Variants in FAM13C observed in about 807,000 individuals in gnomAD.
The protein encoded by FAM13C is protein FAM13C.
Under a neutral mutation model 73.2 loss-of-function variants are expected in FAM13C, and 37 were observed. That is an observed-to-expected ratio of 0.51 (90% CI 0.39 to 0.67). The LOEUF is 0.67. Among genes scored for constraint, FAM13C ranks in the 30% least tolerant of loss-of-function variants. The pLI is 0.00. For missense variants in FAM13C, 589 were observed against 715.6 expected (o/e 0.82, Z 2.02); for synonymous variants, 246 against 260.9 (o/e 0.94, Z 0.55).
chr10:59,330,721 T>C (rs1262196945), intron 3 of FAM13C, among the ~76,000 whole-genome samples: 2 of 152,172 alleles, frequency 1.3e-5, no homozygotes, highest in African/African-American at 2.4e-5. Context: ...ACTGAGGAGT[T>C]AGGCCTTGCA....
intron 5 of FAM13C, among the ~76,000 whole-genome samples, chr10:59,291,369 C>T (rs1179366228): frequency 6.6e-6 from 1 of 152,138 alleles, no homozygotes; most frequent in African/African-American, 2.4e-5. Flanking sequence ...GGACTTTTGG[C>T]GAATCCCTCT....
intron 6 of FAM13C, among the ~76,000 whole-genome samples, chr10:59,279,321 G>T (rs1844670922): frequency 6.6e-6 from 1 of 152,136 alleles, no homozygotes; most frequent in Non-Finnish European, 1.5e-5. Flanking sequence ...GTCAGGTTCT[G>T]GTTGACTCTG....
chr10:59,310,115 G>T (rs1848748953), intron 4 of FAM13C, among the ~76,000 whole-genome samples: 1 of 152,164 alleles, frequency 6.6e-6, no homozygotes, highest in Non-Finnish European at 1.5e-5. Context: ...ACACTTTTCA[G>T]AATACTTCAC....
chr10:59,278,638 G>T (rs1274811837), intron 6 of FAM13C, among the ~76,000 whole-genome samples: 1 of 152,084 alleles, frequency 6.6e-6, no homozygotes, highest in Non-Finnish European at 1.5e-5. Context: ...TCTAGATACT[G>T]CCAAATGTCC....
Position 59,254,371 on chromosome 10 carries a change from T to C in FAM13C, c.1309A>G (p.Thr437Ala), listed in dbSNP as rs1255093136. 6.4e-7 allele frequency: 1 copy of C among 1,555,808 alleles called. No homozygotes were observed. Among genetic ancestry groups the C allele is most frequent in the South Asian group, 1.2e-5 (1 of 82,718 alleles). The change falls in exon 11 of 14, where the codon ACA becomes GCA. Residue 437 changes from threonine (T) to alanine (A), a missense_variant. Transcript: ENST00000618804. ...RYRIIKQILS[T>A]PSLIPTIQEE... ...ACAATTGTTGGAATAAGGGAAGGTG[T>C]TGACAAGATTTGCTTGATAATTCTG...
chr10:59,282,948 AGGAAGTAGCAGTAT>A (rs1261215601), intron 6 of FAM13C: 1 of 185,144 alleles, frequency 5.4e-6, no homozygotes, highest in Non-Finnish European at 1.1e-5. Flanking sequence ...TTAACAGGAA[AGGAAGTAGCAGTAT>A]GGAAACTTCC....
intron 5 of FAM13C, among the ~76,000 whole-genome samples, chr10:59,288,992 A>G (rs1350425970): frequency 6.6e-6 from 1 of 151,942 alleles, no homozygotes. Flanking sequence ...AGATTTGTCT[A>G]TGAGTAATCT....
In FAM13C at chr10:59,247,042, GAAA is replaced by G; in HGVS notation, c.*569_*571del. On this transcript the variant is annotated 3_prime_UTR_variant, in exon 14 of 14. Coordinates refer to ENST00000618804, the MANE Select transcript of FAM13C (RefSeq NM_198215.4). ...ATAATGTGTTATTTTTATAGAGAAA[GAAA>G]AAAATAGCAACACAATCTAGTTTAT... is the stretch of plus-strand genomic sequence containing the variant. The G allele has an allele frequency of 6.3e-6, 1 of 158,714 alleles. No homozygotes were observed. The highest frequency in any genetic ancestry group is 6.5e-5 in the Admixed American group (1 of 15,430). The allele number at this position is 158,714 out of a possible 1,614,324, so 9.8% of individuals were successfully genotyped here.
chr10:59,247,402 C>T lies in FAM13C; in HGVS notation c.*212G>A. ...GGCATGGAGGACACTGAATTTTTTC[C>T]CAATTATATGGCTACCTGTTGTATT... On this transcript the variant is annotated 3_prime_UTR_variant, in exon 14 of 14. Transcript: ENST00000618804. 1 of 535,732 alleles carries T rather than the reference C, an allele frequency of 1.9e-6. No homozygotes were observed. The highest frequency in any genetic ancestry group is 3.2e-6 in the Non-Finnish European group (1 of 311,088). 33.2% of individuals were successfully genotyped at this position (535,732 alleles called of 1,614,324 possible).
chr10:59,351,164 T>C (rs1053551838), intron 3 of FAM13C, among the ~76,000 whole-genome samples: 1 of 151,876 alleles, frequency 6.6e-6, no homozygotes, highest in African/African-American at 2.4e-5. Context: ...ACCCCGTCTC[T>C]ACAAAGAAAA....
chr10:59,252,677 C>A, intron 12 of FAM13C, 122 bp downstream of exon 12: 1 of 841,330 alleles, frequency 1.2e-6, no homozygotes. Flanking sequence ...AGGATAAAGG[C>A]CCTGAGAACT....
At chr10:59,326,852 A>G (rs1051996858) in intron 3 of FAM13C, among the ~76,000 whole-genome samples, 3 of 152,196 alleles carry the variant, frequency 2.0e-5, no homozygotes, top group Non-Finnish European at 4.4e-5. Flanking sequence ...CTCAGAAACC[A>G]TGAAAGATAA....
intron 13 of FAM13C, among the ~76,000 whole-genome samples, chr10:59,248,853 T>C (rs1469683899): frequency 6.6e-6 from 1 of 152,196 alleles, no homozygotes; most frequent in Non-Finnish European, 1.5e-5. Flanking sequence ...TTTATTGCCC[T>C]GCAATTTCTA....
intron 5 of FAM13C, among the ~76,000 whole-genome samples, chr10:59,293,575 T>TA (rs762307094): frequency 9.7e-4 from 148 of 152,228 alleles, no homozygotes; most frequent in Non-Finnish European, 1.6e-3. Context: ...TGTCTGTTGA[T>TA]AGACACTTAG....
intron 5 of FAM13C, among the ~76,000 whole-genome samples, chr10:59,294,094 T>A (rs912394107): frequency 6.6e-6 from 1 of 152,180 alleles, no homozygotes; most frequent in Non-Finnish European, 1.5e-5. Flanking sequence ...AAGAACAATT[T>A]CTAAGTGAAA....
At chr10:59,247,826 TG>T in intron 13 of FAM13C, 89 bp from the exon 14 acceptor site, 1 of 1,337,692 alleles carries the variant, frequency 7.5e-7, no homozygotes, top group Non-Finnish European at 1.0e-6. Flanking sequence ...GAAAGTATAC[TG>T]TAACGGCCTC....
chr10:59,362,278 A>G, intron 1 of FAM13C, 121 bp downstream of exon 1: 1 of 1,372,036 alleles, frequency 7.3e-7, no homozygotes, highest in Middle Eastern at 1.8e-4. Context: ...TCACAGCCCC[A>G]GATTCCGGGA....
intron 5 of FAM13C, among the ~76,000 whole-genome samples, chr10:59,294,819 T>G (rs954065781): frequency 1.3e-5 from 2 of 152,162 alleles, no homozygotes; most frequent in African/African-American, 4.8e-5. Context: ...CAAACCTTGG[T>G]AGGGGAGCAA....
At chr10:59,331,782 A>G (rs1024015713) in intron 3 of FAM13C, among the ~76,000 whole-genome samples, 3 of 152,230 alleles carry the variant, frequency 2.0e-5, no homozygotes, top group African/African-American at 7.2e-5. Flanking sequence ...AAGAGATAGA[A>G]AAAATAGACC....
Sources: gnomAD v4.1 joint callset for allele counts (sites outside exome capture counted in the v4.1 genomes callset) on GRCh38, gnomAD v4.1.1 for gene constraint, MANE v1.5 for transcripts, NCBI Gene and HGNC (gene_info 2026-07-23, HGNC 2026-07-21) for gene names.